LCLAT1: variants seen among roughly 807,000 people sequenced by gnomAD.
The protein encoded by LCLAT1 is 1-AGP acyltransferase 8.
In LCLAT1, 11 loss-of-function variants were observed where a neutral mutation model predicts 30.7. That is an observed-to-expected ratio of 0.36 (90% CI 0.23 to 0.59). The LOEUF (loss-of-function observed/expected upper bound fraction) is 0.59. Ranked by LOEUF, LCLAT1 falls within the 20% of genes least tolerant of loss-of-function variation. The pLI, the probability that LCLAT1 is intolerant of heterozygous loss-of-function variation, is 0.77. For missense variants in LCLAT1, 402 were observed against 458.6 expected (o/e 0.88, Z 1.13); for synonymous variants, 155 against 151.3 (o/e 1.02, Z -0.18).
rs17009676 is a variant in LCLAT1, at chr2:30,540,099, C to T, written c.364+6785C>T. 3.9e-3 allele frequency among the ~76,000 whole-genome samples: 595 copies of T among 152,250 alleles called. 6 individuals are homozygous for T. Among genetic ancestry groups the T allele is most frequent in the African/African-American group, 0.013 (559 of 41,550 alleles). Reference sequence around the variant, plus strand: ...TACAGAAAATACATTTTTGTCTCATCCTGGCTCTGTTGTCACTCGGTTTCC... The same window carrying T: ...TACAGAAAATACATTTTTGTCTCATTCTGGCTCTGTTGTCACTCGGTTTCC... On this transcript the variant is annotated intron_variant, in intron 3 of 5. Transcript: ENST00000379509.
At chr2:30,570,622 G>GT (rs1665737799) in intron 5 of LCLAT1, among the ~76,000 whole-genome samples, 1 of 152,158 alleles carries the variant, frequency 6.6e-6, no homozygotes, top group African/African-American at 2.4e-5. Flanking sequence ...ACTGTAACTA[G>GT]TTGCTGCTTG....
At chr2:30,551,992 A>G (rs978485170) in intron 3 of LCLAT1, among the ~76,000 whole-genome samples, 1 of 152,204 alleles carries the variant, frequency 6.6e-6, no homozygotes, top group South Asian at 2.1e-4. Context: ...CCTTTGCTGT[A>G]TAACACAGTG....
At chr2:30,562,504 C>T (rs1384556264) in intron 4 of LCLAT1, among the ~76,000 whole-genome samples, 2 of 146,952 alleles carry the variant, frequency 1.4e-5, no homozygotes, top group Admixed American at 1.3e-4. Flanking sequence ...GACTTCATCT[C>T]AAAAAAACAA....
intron 1 of LCLAT1, among the ~76,000 whole-genome samples, chr2:30,501,817 G>C (rs1198184851): frequency 6.6e-6 from 1 of 152,026 alleles, no homozygotes; most frequent in Non-Finnish European, 1.5e-5. Flanking sequence ...TTCTATATTA[G>C]AAAAAAAGAT....
At chr2:30,633,549 GGTGTGT>G (rs1422171151) in intron 5 of LCLAT1, among the ~76,000 whole-genome samples, 2 of 152,082 alleles carry the variant, frequency 1.3e-5, no homozygotes, top group African/African-American at 4.8e-5. Flanking sequence ...AGCTGGGCGT[GGTGTGT>G]GTGCCTGTAG....
At chr2:30,516,613 A>G (rs1018268494) in intron 1 of LCLAT1, among the ~76,000 whole-genome samples, 5 of 152,144 alleles carry the variant, frequency 3.3e-5, no homozygotes, top group Admixed American at 3.3e-4. Context: ...CCTTGAGGCC[A>G]AGAACCCCAG....
At chr2:30,547,512 T>G (rs1265652136) in intron 3 of LCLAT1, among the ~76,000 whole-genome samples, 1 of 152,130 alleles carries the variant, frequency 6.6e-6, no homozygotes, top group Admixed American at 6.5e-5. Context: ...GGGATGGTTG[T>G]TTGAGCCAGT....
chr2:30,604,646 G>A (rs1227367087), intron 5 of LCLAT1, among the ~76,000 whole-genome samples: 3 of 129,060 alleles, frequency 2.3e-5, no homozygotes, highest in South Asian at 2.5e-4. Flanking sequence ...TGGCGACAGA[G>A]TGAGACTCCG....
chr2:30,593,879 C>G (rs1171175003), intron 5 of LCLAT1, among the ~76,000 whole-genome samples: 3 of 147,662 alleles, frequency 2.0e-5, no homozygotes, highest in African/African-American at 7.6e-5. Flanking sequence ...GCTGTGATTG[C>G]ACCACTGCAT....
At chr2:30,502,313 GGTTA>G (rs1419639844) in intron 1 of LCLAT1, among the ~76,000 whole-genome samples, 1 of 152,034 alleles carries the variant, frequency 6.6e-6, no homozygotes, top group East Asian at 1.9e-4. Context: ...GGGCAGAAGT[GGTTA>G]GTTATTCATG....
chr2:30,530,162 A>G (rs1333183831), intron 2 of LCLAT1, among the ~76,000 whole-genome samples: 1 of 152,254 alleles, frequency 6.6e-6, no homozygotes, highest in Non-Finnish European at 1.5e-5. Flanking sequence ...ACTCTTCAAT[A>G]TAAGAAACAA....
chr2:30,494,575 CA>C (rs1450289147), intron 1 of LCLAT1, among the ~76,000 whole-genome samples: 3 of 145,074 alleles, frequency 2.1e-5, no homozygotes, highest in African/African-American at 7.6e-5. Flanking sequence ...TACACACATG[CA>C]TACGTGCATA....
At chr2:30,489,389 G>A (rs1683722105) in intron 1 of LCLAT1, 1 of 150,330 alleles carries the variant, frequency 6.7e-6, no homozygotes, top group Admixed American at 6.6e-5. Flanking sequence ...GTCTCGCTCT[G>A]TCGCCCAGGC....
At chr2:30,491,377 A>C (rs989323406) in intron 1 of LCLAT1, among the ~76,000 whole-genome samples, 1 of 152,206 alleles carries the variant, frequency 6.6e-6, no homozygotes, top group African/African-American at 2.4e-5. Context: ...ATCCTAAGGT[A>C]GGTACTGTTG....
At chr2:30,536,715 G>A (rs1686264256) in intron 3 of LCLAT1, among the ~76,000 whole-genome samples, 2 of 152,222 alleles carry the variant, frequency 1.3e-5, no homozygotes, top group African/African-American at 2.4e-5. Context: ...CAGATATATA[G>A]ATGAAAAAGA....
In LCLAT1 at chr2:30,529,006, A is replaced by C. The variant is rs185382888; in HGVS notation, c.165+3251A>C. ...TATCTCATACTCGTACAAGGAGCTA[A>C]AGGAGTTTTTAAGCAATAATAAAAT... is the stretch of plus-strand genomic sequence containing the variant. On this transcript the variant is annotated intron_variant, in intron 2 of 5. Transcript: ENST00000379509. 1.2e-3 allele frequency among the ~76,000 whole-genome samples: 188 copies of C among 152,312 alleles called. 1 individual carries two copies. The highest frequency in any genetic ancestry group is 3.1e-3 in the Admixed American group (48 of 15,308).
chr2:30,592,230 A>G (rs1666729450), intron 5 of LCLAT1, among the ~76,000 whole-genome samples: 2 of 152,224 alleles, frequency 1.3e-5, no homozygotes, highest in Admixed American at 1.3e-4. Flanking sequence ...TTGAAAAACC[A>G]ATTCACTTGA....
intron 1 of LCLAT1, among the ~76,000 whole-genome samples, chr2:30,470,550 G>A (rs1682725653): frequency 6.6e-6 from 1 of 152,206 alleles, no homozygotes; most frequent in Non-Finnish European, 1.5e-5. Context: ...CTATGTGCAG[G>A]AATGAGCAGA....
chr2:30,517,278 C>T (rs184285316), intron 1 of LCLAT1, among the ~76,000 whole-genome samples: 1 of 152,220 alleles, frequency 6.6e-6, no homozygotes, highest in African/African-American at 2.4e-5. Context: ...ACACTGCATC[C>T]TTAGGCACCT....
Sources: gnomAD v4.1 joint callset for allele counts (sites outside exome capture counted in the v4.1 genomes callset) on GRCh38, gnomAD v4.1.1 for gene constraint, MANE v1.5 for transcripts, NCBI Gene and HGNC (gene_info 2026-07-23, HGNC 2026-07-21) for gene names.